Variants in EPC2 observed in about 807,000 individuals in gnomAD.
EPC2 encodes enhancer of polycomb 2, also known as enhancer of polycomb homolog 2.
In EPC2, 14 loss-of-function variants were observed where a neutral mutation model predicts 92.1. That is an observed-to-expected ratio of 0.15 (90% confidence interval 0.10 to 0.24). The LOEUF is 0.24. EPC2 is among the 10% of genes least tolerant of loss of function. The pLI is 1.00. For missense variants in EPC2, 755 were observed against 971.5 expected (o/e 0.78, Z 2.96); for synonymous variants, 340 against 334.7 (o/e 1.02, Z -0.17).
At chr2:148,717,746 TAGGTATTTGTC>T (rs1374957757) in intron 2 of EPC2, among the ~76,000 whole-genome samples, 1 of 152,220 alleles carries the variant, frequency 6.6e-6, no homozygotes, top group African/African-American at 2.4e-5. Flanking sequence ...GAGAGTTCTA[TAGGTATTTGTC>T]AGGTCTACTC....
chr2:148,679,089 A>G (rs1265267715), intron 1 of EPC2, among the ~76,000 whole-genome samples: 1 of 152,226 alleles, frequency 6.6e-6, no homozygotes, highest in Non-Finnish European at 1.5e-5. Context: ...TTAAAGATGT[A>G]TTTTGATAAC....
intron 2 of EPC2, among the ~76,000 whole-genome samples, chr2:148,698,633 CAAAAAAAAAAAAAA>C (rs36045036): frequency 2.6e-3 from 150 of 57,044 alleles, no homozygotes; most frequent in African/African-American, 0.011. Flanking sequence ...GACTCCATCT[CAAAAAAAAAAAAAA>C]AAAAAAAAAA....
At chr2:148,752,851 A>G (rs753602611) in intron 3 of EPC2, among the ~76,000 whole-genome samples, 1 of 152,194 alleles carries the variant, frequency 6.6e-6, no homozygotes, top group Non-Finnish European at 1.5e-5. Context: ...GACTTCATAC[A>G]ACATACAGGT....
chr2:148,683,217 T>C (rs1461346673), intron 1 of EPC2, among the ~76,000 whole-genome samples: 1 of 152,046 alleles, frequency 6.6e-6, no homozygotes, highest in Admixed American at 6.6e-5. Context: ...GTCTAGTCTT[T>C]TATCCCTTAA....
chr2:148,739,349 C>T (rs1459111650), intron 2 of EPC2, among the ~76,000 whole-genome samples: 3 of 152,144 alleles, frequency 2.0e-5, no homozygotes, highest in Admixed American at 6.5e-5. Context: ...CTTGGTAAGC[C>T]CCCTTTAACC....
chr2:148,722,988 A>G (rs1007045745), intron 2 of EPC2, among the ~76,000 whole-genome samples: 1 of 152,192 alleles, frequency 6.6e-6, no homozygotes, highest in Non-Finnish European at 1.5e-5. Context: ...ACACATGGAT[A>G]CAAAGAAGGG....
rs898071908 is a variant in EPC2 at position 148,781,832 on chromosome 2, G to T, written c.1857+52G>T. The T allele has an allele frequency of 2.5e-6, 4 of 1,599,232 alleles. No homozygotes were observed. The African/African-American group carries it at 5.4e-5, about 21-fold the overall frequency. On this transcript the variant is annotated intron_variant, in intron 11 of 13. Transcript: ENST00000258484. ...CGTTTGTTTCTTTCATCATTATGTAGTTTTATTCCATTTTAGTCAAGTCAC... is the reference window on the plus strand; with the variant it reads ...CGTTTGTTTCTTTCATCATTATGTATTTTTATTCCATTTTAGTCAAGTCAC...
chr2:148,655,318 G>A (rs1680769039), intron 1 of EPC2, among the ~76,000 whole-genome samples: 1 of 152,012 alleles, frequency 6.6e-6, no homozygotes, highest in Admixed American at 6.6e-5. Context: ...TTGGTGACAT[G>A]GACTCTTTTG....
chr2:148,681,253 AAG>A (rs920692908), intron 1 of EPC2, among the ~76,000 whole-genome samples: 1 of 152,198 alleles, frequency 6.6e-6, no homozygotes, highest in Non-Finnish European at 1.5e-5. Flanking sequence ...GAACTGATAA[AAG>A]AGATTTTTTT....
At chr2:148,699,550 C>G (rs1270628018) in intron 2 of EPC2, among the ~76,000 whole-genome samples, 1 of 152,176 alleles carries the variant, frequency 6.6e-6, no homozygotes, top group Non-Finnish European at 1.5e-5. Flanking sequence ...TTTTCAGATT[C>G]TCTCATGTCT....
chr2:148,769,280 G>T (rs780440266), intron 8 of EPC2, 40 bp downstream of exon 8: 12 of 1,381,084 alleles, frequency 8.7e-6, no homozygotes, highest in Non-Finnish European at 1.2e-5. Context: ...TTGTGAACTG[G>T]AATTAACAGG....
At chr2:148,651,901 G>T (rs149497247) in intron 1 of EPC2, among the ~76,000 whole-genome samples, 1 of 152,100 alleles carries the variant, frequency 6.6e-6, no homozygotes, top group Non-Finnish European at 1.5e-5. Context: ...AAGATCATCC[G>T]TCTAAAAAAG....
intron 2 of EPC2, among the ~76,000 whole-genome samples, chr2:148,718,198 T>C (rs1277379869): frequency 6.6e-6 from 1 of 152,224 alleles, no homozygotes; most frequent in East Asian, 1.9e-4. Flanking sequence ...TTTATCCAGC[T>C]TGCCATTCTG....
At chr2:148,784,503 A>G (rs1483974818) in intron 12 of EPC2, among the ~76,000 whole-genome samples, 165 bp from the exon 13 acceptor site, 1 of 152,206 alleles carries the variant, frequency 6.6e-6, no homozygotes, top group Non-Finnish European at 1.5e-5. Flanking sequence ...GCAGATTAGT[A>G]CATTCTACTT....
At chr2:148,656,001 C>CTGTGTTTGTGTGTGTGTGTG (rs777687880) in intron 1 of EPC2, among the ~76,000 whole-genome samples, 11 of 59,904 alleles carry the variant, frequency 1.8e-4, no homozygotes, top group African/African-American at 7.1e-4. Flanking sequence ...CTGCTGTTAG[C>CTGTGTTTGTGTGTGTGTGTG]TGTGTGTGTG....
chr2:148,776,022 C>T (rs1431902917), intron 10 of EPC2, among the ~76,000 whole-genome samples: 3 of 151,938 alleles, frequency 2.0e-5, no homozygotes, highest in Non-Finnish European at 4.4e-5. Flanking sequence ...ACCTCGTGAT[C>T]CGCCCGCCTT....
chr2:148,781,814 T>G, intron 11 of EPC2, 34 bp downstream of exon 11: 3 of 1,611,146 alleles, frequency 1.9e-6, no homozygotes, highest in Non-Finnish European at 2.5e-6. Flanking sequence ...TTACGTTTGT[T>G]TCTTTCATCA....
At chr2:148,729,548 G>T (rs1682576963) in intron 2 of EPC2, among the ~76,000 whole-genome samples, 1 of 152,036 alleles carries the variant, frequency 6.6e-6, no homozygotes, top group Admixed American at 6.5e-5. Flanking sequence ...ATGAAGTTGG[G>T]TATCTTTTCA....
chr2:148,650,415 AAATATAG>A (rs1357762627), intron 1 of EPC2, among the ~76,000 whole-genome samples: 2 of 152,128 alleles, frequency 1.3e-5, no homozygotes, highest in Admixed American at 1.3e-4. Flanking sequence ...AGGCCTCTTT[AAATATAG>A]AATCTTTTCA....
Sources: allele counts gnomAD v4.1 joint callset (sites outside exome capture counted in the v4.1 genomes callset), GRCh38; gene constraint gnomAD v4.1.1; transcripts MANE v1.5; gene names NCBI Gene and HGNC (gene_info 2026-07-23, HGNC 2026-07-21).